MYT1L: variants seen among roughly 807,000 people sequenced by gnomAD.
The protein encoded by MYT1L is myelin transcription factor 1 like.
MYT1L carries 12 observed loss-of-function variants against 126.7 expected under a neutral mutation model. That is an observed-to-expected ratio of 0.09 (90% CI 0.06 to 0.15). The LOEUF (loss-of-function observed/expected upper bound fraction) is 0.15, where lower values mean the gene tolerates loss of function less well. Ranked by LOEUF, MYT1L falls within the 10% of genes least tolerant of loss-of-function variation. MYT1L has a pLI of 1.00. For synonymous variants in MYT1L, 541 were observed against 604.2 expected, an observed-to-expected ratio of 0.90 and a Z score of 1.53; for missense variants, 979 against 1,585.2, an observed-to-expected ratio of 0.62 and a Z score of 6.49.
At chr2:2,062,831 C>T (rs2070707116) in intron 3 of MYT1L, among the ~76,000 whole-genome samples, 1 of 152,094 alleles carries the variant, frequency 6.6e-6, no homozygotes, top group South Asian at 2.1e-4. Flanking sequence ...TTTCTCTTTG[C>T]TTCTAGTGTT....
rs182977398 is a variant in MYT1L at position 2,267,311 on chromosome 2, G to A, written c.-421+17093C>T. On this transcript the variant is annotated intron_variant, in intron 2 of 24. Transcript: ENST00000647738. ...CAGGAAGCTCAAGCACAGGGGCCTC[G>A]CCCTCACTTCCATGGGGAAACTGAA... Among the ~76,000 whole-genome samples, 17 of 152,294 alleles carry A rather than the reference G, an allele frequency of 1.1e-4. No individual in the cohort carries two copies. In the East Asian group the frequency reaches 2.3e-3, roughly 21 times the overall value.
intron 3 of MYT1L, among the ~76,000 whole-genome samples, chr2:2,170,645 T>C (rs1043759029): frequency 2.0e-5 from 3 of 152,262 alleles, no homozygotes; most frequent in Non-Finnish European, 4.4e-5. Flanking sequence ...AATCTATTTA[T>C]TTCTATGTAC....
chr2:1,914,866 T>C (rs1328721283), intron 11 of MYT1L, among the ~76,000 whole-genome samples: 1 of 152,234 alleles, frequency 6.6e-6, no homozygotes, highest in Non-Finnish European at 1.5e-5. Flanking sequence ...CCCTGATCTC[T>C]TGTGTGGACT....
At chr2:2,281,115 C>T (rs967085419) in intron 2 of MYT1L, among the ~76,000 whole-genome samples, 2 of 152,142 alleles carry the variant, frequency 1.3e-5, no homozygotes, top group Admixed American at 6.6e-5. Context: ...GGGGTGGTTA[C>T]CCCACACCGT....
intron 3 of MYT1L, among the ~76,000 whole-genome samples, chr2:2,072,611 T>C (rs1459147984): frequency 6.6e-6 from 1 of 152,218 alleles, no homozygotes; most frequent in African/African-American, 2.4e-5. Flanking sequence ...GGTTTGGCTC[T>C]GTGTCCCCGC....
chr2:2,110,910 C>G (rs534277067), intron 3 of MYT1L, among the ~76,000 whole-genome samples: 1 of 152,142 alleles, frequency 6.6e-6, no homozygotes, highest in Admixed American at 6.5e-5. Flanking sequence ...CACCCCAGGG[C>G]GGGCCCTGGA....
intron 2 of MYT1L, among the ~76,000 whole-genome samples, chr2:2,273,711 T>C (rs780872243): frequency 6.6e-5 from 10 of 152,112 alleles, no homozygotes; most frequent in Non-Finnish European, 1.2e-4. Flanking sequence ...TACCCAGCTG[T>C]GAGGACTGCT....
At chr2:2,226,191 G>A (rs1243015147) in intron 2 of MYT1L, among the ~76,000 whole-genome samples, 1 of 152,144 alleles carries the variant, frequency 6.6e-6, no homozygotes, top group Non-Finnish European at 1.5e-5. Flanking sequence ...ACTCTTCACA[G>A]CAACATTGAG....
At chr2:2,012,901 CA>C (rs1483446303) in intron 4 of MYT1L, among the ~76,000 whole-genome samples, 1 of 152,170 alleles carries the variant, frequency 6.6e-6, no homozygotes, top group African/African-American at 2.4e-5. Context: ...TGTTGTTTAT[CA>C]TCGCTCCATG....
intron 19 of MYT1L, among the ~76,000 whole-genome samples, chr2:1,849,157 A>G (rs937100399): frequency 3.7e-5 from 5 of 134,702 alleles, no homozygotes; most frequent in Non-Finnish European, 8.0e-5. Context: ...CTCCCACCAA[A>G]AAAAAAAAAA....
At chr2:1,959,109 A>T (rs2149373414) in intron 8 of MYT1L, among the ~76,000 whole-genome samples, 1 of 152,354 alleles carries the variant, frequency 6.6e-6, no homozygotes, top group Admixed American at 6.5e-5. Flanking sequence ...TGACATCAAC[A>T]ATCAATAGGT....
intron 4 of MYT1L, among the ~76,000 whole-genome samples, chr2:2,011,574 C>T (rs1323696111): frequency 6.6e-6 from 1 of 151,668 alleles, no homozygotes; most frequent in African/African-American, 2.4e-5. Flanking sequence ...AAATACACCA[C>T]CACAAAAGTG....
intron 3 of MYT1L, among the ~76,000 whole-genome samples, chr2:2,153,786 G>C (rs920857085): frequency 2.0e-5 from 3 of 152,144 alleles, no homozygotes; most frequent in Non-Finnish European, 4.4e-5. Flanking sequence ...GTTTCCATGA[G>C]AGAGGATGGT....
At chr2:1,824,570 C>T (rs1159734883) in intron 21 of MYT1L, 9 of 152,364 alleles carry the variant, frequency 5.9e-5, no homozygotes, top group African/African-American at 2.2e-4. Flanking sequence ...CAGCCTGTGA[C>T]ACCCCGGCCA....
intron 2 of MYT1L, among the ~76,000 whole-genome samples, chr2:2,227,870 A>G (rs918004409): frequency 6.6e-6 from 1 of 152,220 alleles, no homozygotes; most frequent in Non-Finnish European, 1.5e-5. Context: ...CAGAAAAATA[A>G]TTCAAAAGGA....
chr2:2,226,274 A>G (rs577004864), intron 2 of MYT1L, among the ~76,000 whole-genome samples: 1 of 152,310 alleles, frequency 6.6e-6, no homozygotes, highest in Admixed American at 6.5e-5. Context: ...GGGCTTTTCA[A>G]CATCGTATCA....
At chr2:1,905,119 C>T (rs2050875530) in intron 13 of MYT1L, among the ~76,000 whole-genome samples, 1 of 152,162 alleles carries the variant, frequency 6.6e-6, no homozygotes, top group Admixed American at 6.5e-5. Flanking sequence ...GAACCCTTGG[C>T]ATCAAGTGAT....
At chr2:1,859,310 C>T (rs1006459409) in intron 18 of MYT1L, among the ~76,000 whole-genome samples, 9 of 152,042 alleles carry the variant, frequency 5.9e-5, no homozygotes, top group Non-Finnish European at 1.3e-4. Flanking sequence ...CTTTTGGTTC[C>T]CAGCACTTTT....
chr2:1,969,609 G>A (rs1331654896), intron 8 of MYT1L, among the ~76,000 whole-genome samples: 3 of 152,218 alleles, frequency 2.0e-5, no homozygotes, highest in Non-Finnish European at 4.4e-5. Flanking sequence ...CACTCTGGAC[G>A]GGGCTTAAAG....
Sources: gnomAD v4.1 joint callset for allele counts (sites outside exome capture counted in the v4.1 genomes callset) on GRCh38, gnomAD v4.1.1 for gene constraint, MANE v1.5 for transcripts, NCBI Gene and HGNC (gene_info 2026-07-23, HGNC 2026-07-21) for gene names.